The following GRID2IP variants were observed in gnomAD, a reference collection of about 807,000 sequenced individuals.
GRID2IP encodes the protein Grid2 interacting protein.
GRID2IP carries 78 observed loss-of-function variants against 114.3 expected under a neutral mutation model. The ratio of observed to expected loss-of-function variants is 0.68; its 90% CI spans 0.57 to 0.82. GRID2IP has a LOEUF of 0.82. Among genes scored for constraint, GRID2IP ranks in the 40% least tolerant of loss-of-function variants. The pLI is 0.00. For synonymous variants in GRID2IP, 809 were observed against 724.0 expected (o/e 1.12, Z -1.89); for missense variants, 1,727 against 1,678.5 (o/e 1.03, Z -0.51).
intron 8 of GRID2IP, among the ~76,000 whole-genome samples, chr7:6,514,098 A>G (rs888904264): frequency 6.6e-5 from 10 of 152,164 alleles, no homozygotes; most frequent in African/African-American, 9.7e-5. Context: ...CTAAAAACAC[A>G]AAAGAATAGC....
intron 1 of GRID2IP, among the ~76,000 whole-genome samples, chr7:6,544,583 A>C (rs954256324): frequency 6.6e-6 from 1 of 151,970 alleles, no homozygotes; most frequent in South Asian, 2.1e-4. Flanking sequence ...CCCGGCCTGC[A>C]TGGTTTTCAG....
chr7:6,545,856 G>A (rs1194343412), intron 1 of GRID2IP, among the ~76,000 whole-genome samples: 4 of 152,170 alleles, frequency 2.6e-5, no homozygotes, highest in African/African-American at 9.7e-5. Flanking sequence ...CCCTCCCCAC[G>A]CACGCGCCGT....
intron 1 of GRID2IP, among the ~76,000 whole-genome samples, chr7:6,544,576 G>C (rs1351342880): frequency 6.6e-6 from 1 of 151,882 alleles, no homozygotes; most frequent in Non-Finnish European, 1.5e-5. Context: ...CACTGTGCCC[G>C]GCCTGCATGG....
intron 7 of GRID2IP, among the ~76,000 whole-genome samples, chr7:6,518,063 TAA>T (rs759501165): frequency 1.3e-4 from 17 of 133,984 alleles, no homozygotes; most frequent in Non-Finnish European, 1.1e-4. Context: ...CTGTCTCTAC[TAA>T]AAAAAAAAAA....
At chr7:6,510,581 C>T (rs1222170517) in intron 10 of GRID2IP, 28 bp downstream of exon 10, 1 of 1,489,690 alleles carries the variant, frequency 6.7e-7, no homozygotes, top group Non-Finnish European at 9.0e-7. Flanking sequence ...CCCTACTGAC[C>T]CCACGTGGAG....
chr7:6,519,916 A>G lies in GRID2IP; in HGVS notation c.1268+662T>C, dbSNP rs919948168. On this transcript the variant is annotated intron_variant, in intron 7 of 21. Coordinates refer to ENST00000457091, the MANE Select transcript of GRID2IP (RefSeq NM_001145118.2). This position sits in a 1 kb window ranked among gnomAD's most constrained non-coding sequence, Gnocchi z 4.1. ...GTCCAAAAAGAAAGACACCAACCCT[A>G]CCCCGAAGGGCCTAGCCCATGACAA... Among the ~76,000 whole-genome samples, 1 of 152,110 alleles carries G rather than the reference A, an allele frequency of 6.6e-6. No homozygotes were observed. The highest frequency in any genetic ancestry group is 2.4e-5 in the African/African-American group (1 of 41,436).
intron 14 of GRID2IP, 42 bp downstream of exon 14, chr7:6,505,778 G>GAAAAAA (rs1562512308): frequency 8.6e-6 from 11 of 1,284,992 alleles, no homozygotes; most frequent in Admixed American, 5.9e-5. Flanking sequence ...GCCACAGATG[G>GAAAAAA]TGTGGTATCT....
intron 16 of GRID2IP, 68 bp from the exon 17 acceptor site, chr7:6,503,231 T>TTG: frequency 2.2e-6 from 1 of 463,618 alleles, no homozygotes; most frequent in Non-Finnish European, 3.9e-6. Context: ...CCGCAGGCTT[T>TTG]GGGGTGGGAG....
chr7:6,535,700 A>C (rs1323777043), intron 2 of GRID2IP, among the ~76,000 whole-genome samples: 1 of 151,874 alleles, frequency 6.6e-6, no homozygotes, highest in Non-Finnish European at 1.5e-5. Context: ...CTATTTATAA[A>C]TTCTTAAAAA....
chr7:6,546,005 G>A (rs113918348), intron 1 of GRID2IP, among the ~76,000 whole-genome samples: 169 of 152,172 alleles, frequency 1.1e-3, no homozygotes, highest in African/African-American at 3.7e-3. Context: ...GCTACAGTGC[G>A]GTTTCGGTGT....
intron 20 of GRID2IP, among the ~76,000 whole-genome samples, chr7:6,500,209 A>G (rs943352740): frequency 2.0e-5 from 3 of 150,706 alleles, no homozygotes; most frequent in African/African-American, 7.3e-5. Context: ...CACACCTGTA[A>G]TCCCAGCACT....
intron 8 of GRID2IP, among the ~76,000 whole-genome samples, chr7:6,511,853 C>G (rs1562515415): frequency 6.6e-6 from 1 of 151,912 alleles, no homozygotes; most frequent in Admixed American, 6.6e-5. Flanking sequence ...TTCCTTCCTT[C>G]TCTTCCTTCT....
rs199615691 is a variant in GRID2IP, at chr7:6,502,978, T to C, written c.3063+30A>G. 1.8e-4 allele frequency: 277 copies of C among 1,551,126 alleles called. No homozygotes were observed. In the East Asian group the frequency reaches 4.0e-3, roughly 23 times the overall value. On this transcript the variant is annotated intron_variant, in intron 17 of 21. Coordinates refer to ENST00000457091, the MANE Select transcript of GRID2IP (RefSeq NM_001145118.2). ...AAGCCCCAGGAGGCAGAGAAGCAGATAGGGTGCCAGGAAGGGTACGCCCAC... is the reference window on the plus strand; with the variant it reads ...AAGCCCCAGGAGGCAGAGAAGCAGACAGGGTGCCAGGAAGGGTACGCCCAC...
In GRID2IP at chr7:6,504,671, C is replaced by T. The variant is rs558372600; in HGVS notation, c.2710+122G>A. The T allele has an allele frequency of 1.1e-5, 8 of 760,814 alleles. No homozygotes were observed. The South Asian group carries it at 1.4e-4, about 13-fold the overall frequency. 47.1% of individuals were successfully genotyped at this position (760,814 alleles called of 1,614,324 possible). A position where few individuals can be genotyped will look rare whatever the true frequency, so the allele number is the denominator to read the frequency against. ...GGCCTGGGAGGGGGCCTTCACCGCG[C>T]TGAGCGACAGGAGGCCGGGTCCCCA... On this transcript the variant is annotated intron_variant, in intron 15 of 21. Transcript: ENST00000457091.
At chr7:6,510,825 T>C (rs573958621) in intron 9 of GRID2IP, 83 bp downstream of exon 9, 2 of 1,486,368 alleles carry the variant, frequency 1.3e-6, no homozygotes, top group East Asian at 2.6e-5. Context: ...CCCCATTCCC[T>C]GGGATTCCCC....
chr7:6,514,280 C>A, intron 8 of GRID2IP, 95 bp downstream of exon 8: 1 of 1,139,154 alleles, frequency 8.8e-7, no homozygotes, highest in Non-Finnish European at 1.2e-6. Flanking sequence ...CAAACAAACA[C>A]CTTCACATGT....
chr7:6,498,324 G>A (rs1338496509), intron 20 of GRID2IP, 96 bp from the exon 21 acceptor site: 17 of 1,253,648 alleles, frequency 1.4e-5, no homozygotes, highest in South Asian at 3.1e-5. Context: ...CCCTATTCCC[G>A]GTTGGCCTGA....
chr7:6,507,830 C>A lies in GRID2IP; in HGVS notation c.2544+155G>T, dbSNP rs1421271141. On this transcript the variant is annotated intron_variant, in intron 13 of 21. Transcript: ENST00000457091. The surrounding 1 kb of genome is among the most constrained non-coding windows in gnomAD (Gnocchi z 5.3). Reference sequence around the variant, plus strand: ...TTCAATGCCTGCAGTGGCCCCCAAGCGTGGGGACGTTCTTGGGCTGGGCCT... The same window carrying A: ...TTCAATGCCTGCAGTGGCCCCCAAGAGTGGGGACGTTCTTGGGCTGGGCCT... Among the ~76,000 whole-genome samples, 1 of 152,166 alleles carries A rather than the reference C, an allele frequency of 6.6e-6. No individual in the cohort carries two copies. Among genetic ancestry groups the A allele is most frequent in the African/African-American group, 2.4e-5 (1 of 41,440 alleles).
chr7:6,512,482 A>C (rs1356132268), intron 8 of GRID2IP, among the ~76,000 whole-genome samples: 3 of 151,638 alleles, frequency 2.0e-5, no homozygotes, highest in South Asian at 2.1e-4. Flanking sequence ...CTGGGACTAC[A>C]GGTGCATACC....
Sources: gnomAD v4.1 joint callset for allele counts (sites outside exome capture counted in the v4.1 genomes callset) on GRCh38, gnomAD v4.1.1 for gene constraint, Gnocchi (gnomAD v3.1) non-coding constraint, MANE v1.5 for transcripts, NCBI Gene and HGNC (gene_info 2026-07-23, HGNC 2026-07-21) for gene names.